GNE: variants seen among roughly 807,000 people sequenced by gnomAD.
GNE encodes the protein bifunctional UDP-N-acetylglucosamine 2-epimerase/N-acetylmannosamine kinase.
GNE carries 41 observed loss-of-function variants against 61.8 expected under a neutral mutation model. The observed-to-expected ratio is 0.66, with a 90% CI of 0.52 to 0.86. GNE has a LOEUF of 0.86. Among genes scored for constraint, GNE ranks in the 40% least tolerant of loss-of-function variants. The pLI is 0.00. For missense variants in GNE, 608 were observed against 909.1 expected, an observed-to-expected ratio of 0.67 and a Z score of 4.26; for synonymous variants, 264 against 326.4, an observed-to-expected ratio of 0.81 and a Z score of 2.06.
chr9:36,259,889 C>T (rs960077249), upstream of GNE, among the ~76,000 whole-genome samples: 3 of 152,006 alleles, frequency 2.0e-5, no homozygotes, highest in South Asian at 2.1e-4. Flanking sequence ...CTCAAACTCC[C>T]GACCTTAGGT....
intron 3 of GNE, among the ~76,000 whole-genome samples, chr9:36,244,668 T>C (rs1046308712): frequency 2.0e-4 from 31 of 152,114 alleles, no homozygotes; most frequent in African/African-American, 6.8e-4. Context: ...CCAGGCGCGG[T>C]GGCTCATGCC....
intron 7 of GNE, among the ~76,000 whole-genome samples, chr9:36,226,891 T>C (rs1256023664): frequency 6.6e-6 from 1 of 152,176 alleles, no homozygotes; most frequent in East Asian, 1.9e-4. Context: ...CCTTCACCAT[T>C]TGCTGATACC....
intron 2 of GNE, among the ~76,000 whole-genome samples, chr9:36,248,425 C>T (rs1829989195): frequency 1.3e-5 from 2 of 151,916 alleles, no homozygotes; most frequent in African/African-American, 4.8e-5. Flanking sequence ...AGTGATTCTC[C>T]TGCCTCAGCC....
chr9:36,219,343 T>G (rs572282319), intron 10 of GNE, among the ~76,000 whole-genome samples: 119 of 152,208 alleles, frequency 7.8e-4, no homozygotes, highest in African/African-American at 2.3e-3. Flanking sequence ...AGAACCCTAC[T>G]GTAGGGCTCT....
upstream of GNE, among the ~76,000 whole-genome samples, chr9:36,261,409 C>A (rs180876649): frequency 6.6e-6 from 1 of 151,222 alleles, no homozygotes; most frequent in South Asian, 2.1e-4. Context: ...CAAAATTAGC[C>A]GGGGATGGTG....
chr9:36,256,154 T>C (rs1830323763), intron 1 of GNE, among the ~76,000 whole-genome samples: 1 of 151,558 alleles, frequency 6.6e-6, no homozygotes, highest in Admixed American at 6.6e-5. Context: ...CTCGATCTCC[T>C]GACCTCAGGT....
At chr9:36,238,202 G>T (rs1045789907) in intron 3 of GNE, among the ~76,000 whole-genome samples, 13 of 151,994 alleles carry the variant, frequency 8.6e-5, no homozygotes, top group Non-Finnish European at 1.6e-4. Context: ...GCATTTGGTT[G>T]GTTCCATGAC....
At chr9:36,264,991 A>C (rs1830724312) in intron 1 of GNE, 1 of 242,370 alleles carries the variant, frequency 4.1e-6, no homozygotes. Flanking sequence ...GTTACCGCTC[A>C]AGCTAAGCTT....
Position 36,222,865 on chromosome 9 carries a change from G to A in GNE, c.1545C>T (p.Asp515=), listed in dbSNP as rs758033732. ...SDTLHLPVWV[D]NDGNCAALAE... The stretch of plus-strand genomic sequence containing the variant: ...CCAGGGCAGCACAGTTGCCATCATT[G>A]TCTACCCACACAGGGAGATGCAAAG... Residue 515 remains aspartate, a synonymous_variant, in exon 9 of 12, where the codon GAC becomes GAT. Transcript: ENST00000642385. 2 of 1,614,090 alleles carry A rather than the reference G, an allele frequency of 1.2e-6. No homozygotes were observed. Among genetic ancestry groups the A allele is most frequent in the South Asian group, 1.1e-5 (1 of 91,076 alleles).
Position 36,218,291 on chromosome 9 carries a change from G to A in GNE, c.1825C>T (p.Leu609Phe), listed in dbSNP as rs1259888431. 6.2e-7 allele frequency: 1 copy of A among 1,612,396 alleles called. No homozygotes were observed. Among genetic ancestry groups the A allele is most frequent in the South Asian group, 1.1e-5 (1 of 91,050 alleles). ...GGCACTGACATCCCTTCCACCAAGA[G>A]CAGGTCCTCTGAACAGAGTGAGAAG... is the stretch of plus-strand genomic sequence containing the variant. ...EAKKLHDEDL[L>F]LVEGMSVPKD... Residue 609 changes from leucine to phenylalanine, a missense_variant, in exon 11 of 12, where the codon CTC (leucine) becomes TTC (phenylalanine). Physicochemically the swap from Leu to Phe is conservative, Grantham distance 22. Coordinates refer to ENST00000642385, the MANE Select transcript of GNE (RefSeq NM_005476.7). This position sits in a 1 kb window ranked among gnomAD's most constrained non-coding sequence, Gnocchi z 4.1.
At chr9:36,263,402 C>T (rs1830669694), upstream of GNE, 1 of 164,604 alleles carries the variant, frequency 6.1e-6, no homozygotes, top group Non-Finnish European at 1.4e-5. Flanking sequence ...AAATTCTGAC[C>T]TCAAATGATC....
At chr9:36,274,976 G>A (rs1269352837) in intron 1 of GNE, among the ~76,000 whole-genome samples, 1 of 152,084 alleles carries the variant, frequency 6.6e-6, no homozygotes, top group African/African-American at 2.4e-5. Flanking sequence ...CGCCGGACTC[G>A]GCCTCCCAAA....
intron 1 of GNE, chr9:36,276,850 T>C: frequency 1.4e-6 from 2 of 1,453,536 alleles, no homozygotes; most frequent in Non-Finnish European, 1.9e-6. Flanking sequence ...TTTTTCTGAT[T>C]GCAATTTCAA....
At chr9:36,249,439 C>A in intron 1 of GNE, 42 bp from the exon 2 acceptor site, 3 of 1,234,282 alleles carry the variant, frequency 2.4e-6, no homozygotes, top group Non-Finnish European at 3.5e-6. Context: ...AGAATAACTC[C>A]TAGATATAAC....
At chr9:36,276,738 A>C (rs1456459553) in intron 1 of GNE, among the ~76,000 whole-genome samples, 1 of 152,210 alleles carries the variant, frequency 6.6e-6, no homozygotes, top group Non-Finnish European at 1.5e-5. Context: ...CAGAATGACT[A>C]AACTGAGTTA....
chr9:36,231,210 T>C (rs1160634231), intron 5 of GNE, among the ~76,000 whole-genome samples: 1 of 152,052 alleles, frequency 6.6e-6, no homozygotes, highest in Non-Finnish European at 1.5e-5. Context: ...ACATCCATAA[T>C]TCCAGGACTT....
upstream of GNE, among the ~76,000 whole-genome samples, chr9:36,260,455 A>AC (rs1404916248): frequency 6.6e-6 from 1 of 152,162 alleles, no homozygotes; most frequent in Non-Finnish European, 1.5e-5. Flanking sequence ...CCTGTGAGCC[A>AC]CATGAAGCTA....
At chr9:36,231,712 A>C (rs1273650650) in intron 5 of GNE, among the ~76,000 whole-genome samples, 1 of 152,218 alleles carries the variant, frequency 6.6e-6, no homozygotes, top group Non-Finnish European at 1.5e-5. Flanking sequence ...TGAGAAAGAA[A>C]GAACATTTAA....
chr9:36,262,698 G>A (rs1195844934), upstream of GNE, among the ~76,000 whole-genome samples: 1 of 152,132 alleles, frequency 6.6e-6, no homozygotes, highest in Non-Finnish European at 1.5e-5. Context: ...ATGACTCCTA[G>A]GCTTTAAGAG....
Sources: gnomAD v4.1 joint callset for allele counts (sites outside exome capture counted in the v4.1 genomes callset) on GRCh38, gnomAD v4.1.1 for gene constraint, Gnocchi (gnomAD v3.1) non-coding constraint, MANE v1.5 for transcripts, NCBI Gene and HGNC (gene_info 2026-07-23, HGNC 2026-07-21) for gene names.